Variants in SH3RF3 observed in about 807,000 individuals in gnomAD.
SH3RF3 encodes SH3 domain containing ring finger 3, also known as E3 ubiquitin-protein ligase SH3RF3.
A neutral mutation model predicts 66.3 loss-of-function variants in SH3RF3; 29 were observed. The observed-to-expected ratio is 0.44, with a 90% CI of 0.33 to 0.60. The LOEUF is 0.60. Among genes scored for constraint, SH3RF3 ranks in the 20% least tolerant of loss-of-function variants. SH3RF3 has a pLI of 0.04. For missense variants in SH3RF3, 1,194 were observed against 1,190.9 expected (o/e 1.00, Z -0.04); for synonymous variants, 583 against 532.0 (o/e 1.10, Z -1.32).
intron 1 of SH3RF3, among the ~76,000 whole-genome samples, chr2:109,144,677 A>G (rs1184609038): frequency 6.6e-6 from 1 of 152,190 alleles, no homozygotes; most frequent in Non-Finnish European, 1.5e-5. Flanking sequence ...CCGAGTCCTT[A>G]TGCCACTGCA....
chr2:109,131,173 A>G (rs1219726535), intron 1 of SH3RF3, among the ~76,000 whole-genome samples: 4 of 152,200 alleles, frequency 2.6e-5, no homozygotes, highest in Admixed American at 6.5e-5. Flanking sequence ...CAGTACTGCA[A>G]ATCTCTAAGG....
intron 7 of SH3RF3, among the ~76,000 whole-genome samples, chr2:109,443,578 A>G (rs1234505442): frequency 6.6e-6 from 1 of 152,234 alleles, no homozygotes; most frequent in African/African-American, 2.4e-5. Flanking sequence ...ATATGATGCT[A>G]ATATTAATCA....
At chr2:109,269,638 G>A (rs996228318) in intron 1 of SH3RF3, among the ~76,000 whole-genome samples, 2 of 152,124 alleles carry the variant, frequency 1.3e-5, no homozygotes, top group Admixed American at 1.3e-4. Flanking sequence ...AAAAATAGCC[G>A]GACATGGTGG....
In SH3RF3 at chr2:109,319,031, G is replaced by A. The variant is rs78385039; in HGVS notation, c.574-28643G>A. ...AACTGGGATTACAGATGGGAAAGGA[G>A]TGGCTCTCCATCGATCCTGGTGTTT... On this transcript the variant is annotated intron_variant, in intron 1 of 9. Coordinates refer to ENST00000309415, the MANE Select transcript of SH3RF3 (RefSeq NM_001099289.3). 8.4e-3 allele frequency among the ~76,000 whole-genome samples: 1,274 copies of A among 152,332 alleles called. 15 individuals are homozygous for A. Among genetic ancestry groups the A allele is most frequent in the East Asian group, 0.044 (227 of 5,176 alleles).
At position 109,427,649 on chromosome 2, in the gene SH3RF3, C is replaced by G. The variant is rs73953103; in HGVS notation, c.1404-4852C>G. Among the ~76,000 whole-genome samples the G allele has an allele frequency of 5.1e-3, 773 of 152,372 alleles. 13 individuals are homozygous for G. The highest frequency in any genetic ancestry group is 0.02 in the Middle Eastern group (6 of 294). ...AAAGGTGCTCAGTTGGGAAAGACAT[C>G]AGCTCCTAAGCTGGCCTCACAGCCG... On this transcript the variant is annotated intron_variant, in intron 5 of 9. Transcript: ENST00000309415.
intron 1 of SH3RF3, among the ~76,000 whole-genome samples, chr2:109,139,914 G>A (rs6746925): frequency 0.81 from 123,892 of 152,192 alleles, 51,530 homozygotes; most frequent in Non-Finnish European, 0.89. Context: ...CTGGGGCTTA[G>A]TTTGTTCAGG....
At chr2:109,281,738 G>A (rs1209321353) in intron 1 of SH3RF3, among the ~76,000 whole-genome samples, 2 of 152,178 alleles carry the variant, frequency 1.3e-5, no homozygotes, top group Non-Finnish European at 2.9e-5. Context: ...TGATGGTGGA[G>A]TGGGTGCAGG....
intron 5 of SH3RF3, among the ~76,000 whole-genome samples, chr2:109,430,424 G>A (rs965702016): frequency 2.0e-5 from 3 of 151,998 alleles, no homozygotes; most frequent in African/African-American, 7.3e-5. Flanking sequence ...CTTTGCCTCA[G>A]CCCAGGCTGT....
At chr2:109,366,279 T>C (rs538413475) in intron 2 of SH3RF3, among the ~76,000 whole-genome samples, 79 of 152,306 alleles carry the variant, frequency 5.2e-4, no homozygotes, top group African/African-American at 1.9e-3. Context: ...CTTTTTTCGT[T>C]TAAAAATAAC....
At chr2:109,302,660 G>A (rs903604566) in intron 1 of SH3RF3, among the ~76,000 whole-genome samples, 1 of 152,232 alleles carries the variant, frequency 6.6e-6, no homozygotes, top group African/African-American at 2.4e-5. Context: ...TCGGGATGGC[G>A]TGACCTCTGG....
chr2:109,212,525 A>G (rs1217823407), intron 1 of SH3RF3, among the ~76,000 whole-genome samples: 3 of 152,188 alleles, frequency 2.0e-5, no homozygotes, highest in African/African-American at 7.2e-5. Context: ...GGCTTGAGGT[A>G]GCTTTGCCCA....
At chr2:109,468,736 C>G (rs1385440846) in intron 8 of SH3RF3, among the ~76,000 whole-genome samples, 2 of 151,418 alleles carry the variant, frequency 1.3e-5, no homozygotes, top group Non-Finnish European at 2.9e-5. Context: ...CACCTGTAAT[C>G]CCAGCTACTC....
intron 1 of SH3RF3, among the ~76,000 whole-genome samples, chr2:109,174,475 C>T (rs1677872412): frequency 6.6e-6 from 1 of 152,186 alleles, no homozygotes; most frequent in African/African-American, 2.4e-5. Flanking sequence ...GGCACCAGGC[C>T]ACACTCACTT....
intron 6 of SH3RF3, among the ~76,000 whole-genome samples, chr2:109,433,831 G>A (rs1269936458): frequency 1.3e-5 from 2 of 152,190 alleles, no homozygotes; most frequent in African/African-American, 4.8e-5. Context: ...CTCAGGTGAT[G>A]CTCAGCAGGG....
At chr2:109,171,349 C>T (rs1206590575) in intron 1 of SH3RF3, among the ~76,000 whole-genome samples, 1 of 152,126 alleles carries the variant, frequency 6.6e-6, no homozygotes, top group African/African-American at 2.4e-5. Flanking sequence ...AAGTTTTTGT[C>T]ATCTCTATAC....
intron 1 of SH3RF3, among the ~76,000 whole-genome samples, chr2:109,165,734 A>G (rs868383307): frequency 1.3e-5 from 2 of 150,936 alleles, no homozygotes; most frequent in Non-Finnish European, 3.0e-5. Context: ...TGCTGCCCCC[A>G]CTCTCCCCAC....
At chr2:109,147,505 C>A (rs905530126) in intron 1 of SH3RF3, among the ~76,000 whole-genome samples, 13 of 152,136 alleles carry the variant, frequency 8.5e-5, no homozygotes, top group South Asian at 2.1e-4. Flanking sequence ...TGATAAGAAG[C>A]CCACACTTGA....
intron 3 of SH3RF3, among the ~76,000 whole-genome samples, chr2:109,375,743 C>G (rs779906441): frequency 4.5e-4 from 69 of 152,232 alleles, no homozygotes; most frequent in African/African-American, 1.5e-3. Flanking sequence ...CTGCAGCCCC[C>G]CTCTCTTTCT....
At position 109,239,919 on chromosome 2, in the gene SH3RF3, C is replaced by T. The variant is rs77761387; in HGVS notation, c.574-107755C>T. Among the ~76,000 whole-genome samples the T allele has an allele frequency of 6.4e-4, 98 of 152,274 alleles. No homozygotes were observed. The East Asian group carries it at 0.018, about 28-fold the overall frequency. ...GAGGAGTCACTCAATCACTGGCAGC[C>T]AGGCGGAGGTGACTGATAGCAAAAT... On this transcript the variant is annotated intron_variant, in intron 1 of 9. Coordinates refer to ENST00000309415, the MANE Select transcript of SH3RF3 (RefSeq NM_001099289.3).
Sources: allele counts gnomAD v4.1 joint callset (sites outside exome capture counted in the v4.1 genomes callset), GRCh38; gene constraint gnomAD v4.1.1; transcripts MANE v1.5; gene names NCBI Gene and HGNC (gene_info 2026-07-23, HGNC 2026-07-21).